The following TMEM135 variants were observed in gnomAD, a reference collection of about 807,000 sequenced individuals.
TMEM135 encodes the protein transmembrane protein 135, also known as peroxisomal membrane protein 52.
In TMEM135, 30 loss-of-function variants were observed where a neutral mutation model predicts 60.3. The ratio of observed to expected loss-of-function variants is 0.50; its 90% CI spans 0.37 to 0.68. The LOEUF (loss-of-function observed/expected upper bound fraction) is 0.68, where lower values mean the gene tolerates loss of function less well. Ranked by LOEUF, TMEM135 falls within the 30% of genes least tolerant of loss-of-function variation. The pLI, the probability that TMEM135 is intolerant of heterozygous loss-of-function variation, is 0.00. For missense variants in TMEM135, 468 were observed against 548.8 expected (o/e 0.85, Z 1.47); for synonymous variants, 190 against 186.7 (o/e 1.02, Z -0.14).
chr11:87,158,949 A>G (rs1938785403), intron 5 of TMEM135, among the ~76,000 whole-genome samples: 7 of 152,110 alleles, frequency 4.6e-5, no homozygotes, highest in Admixed American at 4.6e-4. Flanking sequence ...TAATTACTAT[A>G]TATTTTTTTC....
intron 7 of TMEM135, among the ~76,000 whole-genome samples, chr11:87,299,266 T>C (rs1282103171): frequency 6.6e-6 from 1 of 152,184 alleles, no homozygotes; most frequent in Non-Finnish European, 1.5e-5. Flanking sequence ...TAGGGAGGCC[T>C]CAGGAAACTT....
chr11:87,084,121 A>G (rs1028722788), intron 3 of TMEM135, among the ~76,000 whole-genome samples: 11 of 151,984 alleles, frequency 7.2e-5, no homozygotes, highest in African/African-American at 2.2e-4. Flanking sequence ...AAGCTTCTGG[A>G]AAAAAAACCC....
chr11:87,269,167 T>A (rs1194954489), intron 6 of TMEM135, among the ~76,000 whole-genome samples: 1 of 151,448 alleles, frequency 6.6e-6, no homozygotes, highest in African/African-American at 2.4e-5. Flanking sequence ...TAATAACAGC[T>A]ACAGATATAA....
chr11:87,097,609 TG>T (rs150229552), intron 4 of TMEM135, among the ~76,000 whole-genome samples: 5 of 152,108 alleles, frequency 3.3e-5, no homozygotes, highest in African/African-American at 4.8e-5. Flanking sequence ...CCTGTGGTTA[TG>T]GGGGGGTCTT....
In TMEM135 at chr11:87,325,129, C is replaced by A; in HGVS notation, c.*3796C>A. 2.2e-6 allele frequency: 1 copy of A among 451,950 alleles called. No homozygotes were observed. Among genetic ancestry groups the A allele is most frequent in the Non-Finnish European group, 4.4e-6 (1 of 226,748 alleles). 28.0% of individuals were successfully genotyped at this position (451,950 alleles called of 1,614,324 possible). A position where few individuals can be genotyped will look rare whatever the true frequency, so the allele number is the denominator to read the frequency against. On this transcript the variant is annotated 3_prime_UTR_variant, in exon 15 of 15. Coordinates refer to ENST00000305494, the MANE Select transcript of TMEM135 (RefSeq NM_022918.4). ...AAAGGAGTGTCAAGGACTGAGATGA[C>A]CCTCAGATTGGGGGGCTGTCTTAGA...
chr11:87,293,823 C>T (rs559033650), intron 6 of TMEM135, among the ~76,000 whole-genome samples: 5 of 152,248 alleles, frequency 3.3e-5, no homozygotes, highest in South Asian at 2.1e-4. Flanking sequence ...ATAAACATAA[C>T]GTGTGCATGT....
intron 8 of TMEM135, among the ~76,000 whole-genome samples, chr11:87,305,408 G>A (rs115862416): frequency 0.036 from 5,499 of 152,194 alleles, 94 homozygotes; most frequent in Admixed American, 0.046. Context: ...TAAGCAGCAA[G>A]TAGAAAAAGC....
Position 87,327,096 on chromosome 11 carries a change from C to A in TMEM135, c.*5763C>A, listed in dbSNP as rs981652221. 1.8e-5 allele frequency: 8 copies of A among 453,850 alleles called. No individual in the cohort carries two copies. Among genetic ancestry groups the A allele is most frequent in the Admixed American group, 4.7e-5 (2 of 42,530 alleles). 28.1% of individuals were successfully genotyped at this position (453,850 alleles called of 1,614,324 possible). On this transcript the variant is annotated 3_prime_UTR_variant, in exon 15 of 15. Transcript: ENST00000305494. ...TGAATCATAATTGTTCTAGGCCTTT[C>A]ATGTCTTTCCTTTCTTCTTGTCCAG... is the stretch of plus-strand genomic sequence containing the variant.
intron 6 of TMEM135, among the ~76,000 whole-genome samples, chr11:87,287,069 C>A (rs1942179454): frequency 6.6e-6 from 1 of 152,126 alleles, no homozygotes; most frequent in Non-Finnish European, 1.5e-5. Flanking sequence ...CTAACTGAAT[C>A]TTTTCACATA....
intron 6 of TMEM135, among the ~76,000 whole-genome samples, chr11:87,256,162 T>C (rs1941524635): frequency 6.6e-6 from 1 of 152,220 alleles, no homozygotes; most frequent in South Asian, 2.1e-4. Context: ...AATTTACTTT[T>C]AAACTAAATG....
At position 87,211,682 on chromosome 11, in the gene TMEM135, C is replaced by T. The variant is rs150346634; in HGVS notation, c.463-24956C>T. The stretch of plus-strand genomic sequence containing the variant: ...CTGAGCCCTTATTTATAAAAATTGT[C>T]AATAAAATATCATTGAAATTCTCTT... On this transcript the variant is annotated intron_variant, in intron 5 of 14. Transcript: ENST00000305494. Among the ~76,000 whole-genome samples the T allele has an allele frequency of 9.1e-4, 139 of 152,230 alleles. No homozygotes were observed. The East Asian group carries it at 0.025, about 27-fold the overall frequency.
intron 5 of TMEM135, among the ~76,000 whole-genome samples, chr11:87,198,626 C>G (rs887737033): frequency 5.6e-5 from 8 of 143,380 alleles, no homozygotes; most frequent in Non-Finnish European, 1.2e-4. Context: ...TCTCCTCTTT[C>G]TCTCCTCTCC....
In TMEM135 at chr11:87,163,536, C is replaced by T. The variant is rs1232992804; in HGVS notation, c.462+6130C>T. 3.3e-5 allele frequency among the ~76,000 whole-genome samples: 5 copies of T among 151,992 alleles called. No individual in the cohort carries two copies. In the East Asian group the frequency reaches 7.7e-4, roughly 24 times the overall value. ...TCTTTATAGCAGCATGATTTATAGTCCTTTGGGTATGTACCCAGTAATGGG... is the reference window on the plus strand; with the variant it reads ...TCTTTATAGCAGCATGATTTATAGTTCTTTGGGTATGTACCCAGTAATGGG... On this transcript the variant is annotated intron_variant, in intron 5 of 14. Transcript: ENST00000305494.
chr11:87,180,881 G>T (rs1488538054), intron 5 of TMEM135, among the ~76,000 whole-genome samples: 2 of 152,126 alleles, frequency 1.3e-5, no homozygotes, highest in Non-Finnish European at 2.9e-5. Flanking sequence ...AATATTCAAA[G>T]TCTCCCTCCC....
chr11:87,169,553 G>A (rs1209611014), intron 5 of TMEM135, among the ~76,000 whole-genome samples: 3 of 151,712 alleles, frequency 2.0e-5, no homozygotes, highest in South Asian at 4.2e-4. Flanking sequence ...TTTCTTTTTC[G>A]CTTATGAAGC....
At chr11:87,156,542 T>C (rs538915817) in intron 4 of TMEM135, among the ~76,000 whole-genome samples, 1 of 152,206 alleles carries the variant, frequency 6.6e-6, no homozygotes, top group Non-Finnish European at 1.5e-5. Flanking sequence ...TTCAGCAATG[T>C]TTTGTTGTCT....
rs138178890 is a variant in TMEM135 at position 87,175,863 on chromosome 11, T to C, written c.462+18457T>C. 6.9e-4 allele frequency among the ~76,000 whole-genome samples: 103 copies of C among 148,286 alleles called. 1 individual carries two copies. The East Asian group carries it at 0.018, about 26-fold the overall frequency. ...ATTTAAGAAACAAAGATTTTAGATATATAGAAAATGTTTCTTTGTAGAAAC... is the reference window on the plus strand; with the variant it reads ...ATTTAAGAAACAAAGATTTTAGATACATAGAAAATGTTTCTTTGTAGAAAC... On this transcript the variant is annotated intron_variant, in intron 5 of 14. Coordinates refer to ENST00000305494, the MANE Select transcript of TMEM135 (RefSeq NM_022918.4).
chr11:87,247,801 T>G (rs1173168636), intron 6 of TMEM135, among the ~76,000 whole-genome samples: 1 of 152,148 alleles, frequency 6.6e-6, no homozygotes, highest in Admixed American at 6.5e-5. Flanking sequence ...TGATCCCTTG[T>G]GCTTCCCAAG....
intron 4 of TMEM135, among the ~76,000 whole-genome samples, chr11:87,099,972 A>T (rs2445542): frequency 2.0e-5 from 3 of 151,770 alleles, no homozygotes; most frequent in East Asian, 3.9e-4. Context: ...TGAGCCACCA[A>T]GTTTAGTTTT....
Sources: allele counts gnomAD v4.1 joint callset (sites outside exome capture counted in the v4.1 genomes callset), GRCh38; gene constraint gnomAD v4.1.1; transcripts MANE v1.5; gene names NCBI Gene and HGNC (gene_info 2026-07-23, HGNC 2026-07-21).